The following CTNND2 variants were observed in gnomAD, a reference collection of about 807,000 sequenced individuals.
CTNND2 encodes catenin delta-2.
In CTNND2, 22 loss-of-function variants were observed where a neutral mutation model predicts 144.4. The ratio of observed to expected loss-of-function variants is 0.15; its 90% CI spans 0.11 to 0.22. The LOEUF (loss-of-function observed/expected upper bound fraction) is 0.22. Ranked by LOEUF, CTNND2 falls within the 10% of genes least tolerant of loss-of-function variation. CTNND2 has a pLI of 1.00. For synonymous variants in CTNND2, 751 were observed against 695.6 expected, an observed-to-expected ratio of 1.08 and a Z score of -1.25; for missense variants, 1,353 against 1,618.8, an observed-to-expected ratio of 0.84 and a Z score of 2.82.
chr5:11,457,013 T>C (rs1007123234), intron 3 of CTNND2, among the ~76,000 whole-genome samples: 3 of 152,222 alleles, frequency 2.0e-5, no homozygotes, highest in Non-Finnish European at 4.4e-5. Flanking sequence ...AATTAAAAAC[T>C]TGTAATAGCC....
At chr5:11,421,888 C>T (rs138048476) in intron 3 of CTNND2, among the ~76,000 whole-genome samples, 83 of 152,346 alleles carry the variant, frequency 5.4e-4, no homozygotes, top group African/African-American at 1.9e-3. Context: ...CTCCAAGTCT[C>T]TGTTTCCTCA....
At chr5:11,509,655 T>C (rs1771442545) in intron 3 of CTNND2, among the ~76,000 whole-genome samples, 1 of 152,148 alleles carries the variant, frequency 6.6e-6, no homozygotes, top group Non-Finnish European at 1.5e-5. Context: ...AAATAAGAAA[T>C]GAGTATCCTT....
At chr5:11,383,102 G>A (rs554933098) in intron 7 of CTNND2, among the ~76,000 whole-genome samples, 3 of 152,108 alleles carry the variant, frequency 2.0e-5, no homozygotes, top group Admixed American at 6.5e-5. Context: ...TGATAGACTA[G>A]AACATGCAAA....
intron 16 of CTNND2, among the ~76,000 whole-genome samples, chr5:11,030,036 GT>G (rs56720379): frequency 0.29 from 43,008 of 150,360 alleles, 6,537 homozygotes; most frequent in Admixed American, 0.39. Context: ...TTGGCTGACA[GT>G]TTTTTTTTTC....
intron 1 of CTNND2, among the ~76,000 whole-genome samples, chr5:11,878,517 T>C (rs555324324): frequency 6.6e-6 from 1 of 152,300 alleles, no homozygotes; most frequent in African/African-American, 2.4e-5. Flanking sequence ...TTTGGCAGTG[T>C]TCTATACCCC....
chr5:11,544,641 C>T (rs1775053190), intron 3 of CTNND2, among the ~76,000 whole-genome samples: 1 of 152,198 alleles, frequency 6.6e-6, no homozygotes, highest in South Asian at 2.1e-4. Context: ...ATTACTAAAA[C>T]TGAATCATTC....
intron 14 of CTNND2, among the ~76,000 whole-genome samples, chr5:11,100,608 T>A (rs1751789651): frequency 6.6e-6 from 1 of 152,202 alleles, no homozygotes; most frequent in Admixed American, 6.5e-5. Flanking sequence ...GGAGACCAGC[T>A]TGGGGTAGTG....
intron 1 of CTNND2, among the ~76,000 whole-genome samples, chr5:11,782,339 C>T (rs1196340807): frequency 6.7e-6 from 1 of 149,522 alleles, no homozygotes; most frequent in Non-Finnish European, 1.5e-5. Flanking sequence ...CTACTGAACA[C>T]TAAATACAAA....
At chr5:11,756,794 T>C (rs888435126) in intron 1 of CTNND2, among the ~76,000 whole-genome samples, 4 of 151,382 alleles carry the variant, frequency 2.6e-5, no homozygotes, top group African/African-American at 9.7e-5. Flanking sequence ...TGTCGACAGC[T>C]ATCCCATTGT....
chr5:11,237,088 C>T (rs1340703684), intron 9 of CTNND2, among the ~76,000 whole-genome samples: 1 of 150,100 alleles, frequency 6.7e-6, no homozygotes. Context: ...GGAGCGATCT[C>T]AGCTCACTGC....
chr5:11,044,530 C>CAA (rs59308721), intron 16 of CTNND2, among the ~76,000 whole-genome samples: 20 of 138,116 alleles, frequency 1.4e-4, no homozygotes, highest in South Asian at 2.2e-4. Context: ...CACATGCTTG[C>CAA]AAAAAAAAAA....
chr5:11,485,362 TGTGTGTGTGTGTGCGCGC>T (rs963355933), intron 3 of CTNND2, among the ~76,000 whole-genome samples: 42 of 126,282 alleles, frequency 3.3e-4, no homozygotes, highest in African/African-American at 1.1e-3. Flanking sequence ...TGTGTGTGTG[TGTGTGTGTGTGTGCGCGC>T]GCGCGCGTGC....
At chr5:11,793,701 A>G (rs143338020) in intron 1 of CTNND2, among the ~76,000 whole-genome samples, 286 of 152,282 alleles carry the variant, frequency 1.9e-3, no homozygotes, top group African/African-American at 6.4e-3. Context: ...CCTTGATTTC[A>G]GACTTCTGAC....
At chr5:11,803,160 A>G (rs1367756977) in intron 1 of CTNND2, among the ~76,000 whole-genome samples, 1 of 152,222 alleles carries the variant, frequency 6.6e-6, no homozygotes, top group East Asian at 1.9e-4. Flanking sequence ...TCTCTACTAA[A>G]AATACAAAAA....
At chr5:11,411,297 G>A (rs1761509480) in intron 5 of CTNND2, among the ~76,000 whole-genome samples, 1 of 152,138 alleles carries the variant, frequency 6.6e-6, no homozygotes, top group South Asian at 2.1e-4. Context: ...CAGTATGTCA[G>A]TAATTAGTGC....
At chr5:11,266,981 C>T (rs1745508242) in intron 9 of CTNND2, among the ~76,000 whole-genome samples, 1 of 152,204 alleles carries the variant, frequency 6.6e-6, no homozygotes, top group Non-Finnish European at 1.5e-5. Flanking sequence ...AGGGTTCAAG[C>T]AATTCTCCTG....
At chr5:11,900,581 A>G (rs985681509) in intron 1 of CTNND2, among the ~76,000 whole-genome samples, 1 of 152,238 alleles carries the variant, frequency 6.6e-6, no homozygotes, top group Non-Finnish European at 1.5e-5. Context: ...GCTTTGGCAT[A>G]TAATCAGATA....
intron 12 of CTNND2, among the ~76,000 whole-genome samples, chr5:11,158,435 G>A (rs1200055014): frequency 2.0e-5 from 3 of 152,158 alleles, no homozygotes; most frequent in Admixed American, 2.0e-4. Flanking sequence ...CCTATCCAGA[G>A]AAATCACGTC....
rs189483675 is a variant in CTNND2 at position 11,293,991 on chromosome 5, G to A, written c.1628+52381C>T. 3.4e-4 allele frequency among the ~76,000 whole-genome samples: 51 copies of A among 151,402 alleles called. 1 individual carries two copies. Among genetic ancestry groups the A allele is most frequent in the South Asian group, 4.2e-4 (2 of 4,766 alleles). On this transcript the variant is annotated intron_variant, in intron 9 of 21. Transcript: ENST00000304623. ...CTCAAAGTTTGGTTCAGGAACCCCAGGACTGCCTTCCAGGAACCCACAAGA... is the reference window on the plus strand; with the variant it reads ...CTCAAAGTTTGGTTCAGGAACCCCAAGACTGCCTTCCAGGAACCCACAAGA...
Sources: gnomAD v4.1 joint callset for allele counts (sites outside exome capture counted in the v4.1 genomes callset) on GRCh38, gnomAD v4.1.1 for gene constraint, MANE v1.5 for transcripts, NCBI Gene and HGNC (gene_info 2026-07-23, HGNC 2026-07-21) for gene names.